FARP1: variants seen among roughly 807,000 people sequenced by gnomAD.
FARP1 encodes the protein FERM, ARHGEF and pleckstrin domain-containing protein 1.
Under a neutral mutation model 128.8 loss-of-function variants are expected in FARP1, and 52 were observed. That is an observed-to-expected ratio of 0.40 (90% CI 0.32 to 0.51). The LOEUF is 0.51. Among genes scored for constraint, FARP1 ranks in the 20% least tolerant of loss-of-function variants. The pLI, the probability that FARP1 is intolerant of heterozygous loss-of-function variation, is 0.45. For synonymous variants in FARP1, 580 were observed against 551.8 expected, an observed-to-expected ratio of 1.05 and a Z score of -0.72; for missense variants, 1,333 against 1,367.9, an observed-to-expected ratio of 0.97 and a Z score of 0.40.
At chr13:98,258,791 A>T (rs1348491102) in intron 2 of FARP1, among the ~76,000 whole-genome samples, 1 of 152,186 alleles carries the variant, frequency 6.6e-6, no homozygotes, top group Admixed American at 6.5e-5. Flanking sequence ...ATGAGATGAC[A>T]AATTCTAGAT....
At position 98,188,044 on chromosome 13, in the gene FARP1, G is replaced by A. The variant is rs76655670; in HGVS notation, c.-23-25176G>A. On this transcript the variant is annotated intron_variant, in intron 1 of 26. Transcript: ENST00000319562. ...AGAGCAAATGTTCTCAGAACTCTGCGGTCCCTTGGATTGGGTGCAGTTTGC... is the reference window on the plus strand; with the variant it reads ...AGAGCAAATGTTCTCAGAACTCTGCAGTCCCTTGGATTGGGTGCAGTTTGC... Among the ~76,000 whole-genome samples the A allele has an allele frequency of 5.8e-3, 887 of 152,246 alleles. 5 individuals carry two copies. Among genetic ancestry groups the A allele is most frequent in the African/African-American group, 0.016 (650 of 41,546 alleles).
chr13:98,423,863 G>A (rs528055154), intron 16 of FARP1, among the ~76,000 whole-genome samples: 28 of 152,156 alleles, frequency 1.8e-4, no homozygotes, highest in South Asian at 4.1e-4. Flanking sequence ...GCGTTGATCC[G>A]TTGAAAGGTG....
chr13:98,452,451 G>T lies in FARP1; in HGVS notation c.*4134G>T, dbSNP rs944100552. On this transcript the variant is annotated 3_prime_UTR_variant, in exon 27 of 27. Coordinates refer to ENST00000319562, the MANE Select transcript of FARP1 (RefSeq NM_005766.4). ...ATCAACCTCTAGGTGTACCAAAAGG[G>T]GCGTAGGGCAAACGGGGAAAATTTG... 2 of 152,558 alleles carry T rather than the reference G, an allele frequency of 1.3e-5. No homozygotes were observed. The highest frequency in any genetic ancestry group is 4.8e-5 in the African/African-American group (2 of 41,402). 9.5% of individuals were successfully genotyped at this position (152,558 alleles called of 1,614,324 possible). A position where few individuals can be genotyped will look rare whatever the true frequency, so the allele number is the denominator to read the frequency against.
chr13:98,174,505 A>G (rs1159873155), intron 1 of FARP1, among the ~76,000 whole-genome samples: 1 of 152,212 alleles, frequency 6.6e-6, no homozygotes, highest in Non-Finnish European at 1.5e-5. Context: ...GAAGGCTTGA[A>G]AGTGAATAAA....
chr13:98,258,462 G>A (rs750064382), intron 2 of FARP1, among the ~76,000 whole-genome samples: 3 of 152,144 alleles, frequency 2.0e-5, no homozygotes, highest in Non-Finnish European at 4.4e-5. Flanking sequence ...CGTGAGCATC[G>A]TGTTTGCTAA....
intron 2 of FARP1, among the ~76,000 whole-genome samples, chr13:98,298,646 A>G (rs1885800180): frequency 6.6e-6 from 1 of 152,066 alleles, no homozygotes; most frequent in African/African-American, 2.4e-5. Flanking sequence ...TTGGGCTTTC[A>G]TATCTTTTCA....
intron 1 of FARP1, among the ~76,000 whole-genome samples, chr13:98,159,200 C>T (rs1426977310): frequency 6.6e-6 from 1 of 152,300 alleles, no homozygotes; most frequent in African/African-American, 2.4e-5. Context: ...TATTATCATG[C>T]TAGGCACTGT....
intron 2 of FARP1, among the ~76,000 whole-genome samples, chr13:98,311,865 A>G (rs1422230986): frequency 6.8e-6 from 1 of 147,876 alleles, no homozygotes; most frequent in Non-Finnish European, 1.5e-5. Context: ...TTTTTTTGAG[A>G]CGGAGTCTCG....
chr13:98,200,391 C>A (rs570252008), intron 1 of FARP1, among the ~76,000 whole-genome samples: 6 of 137,388 alleles, frequency 4.4e-5, no homozygotes, highest in South Asian at 5.3e-4. Context: ...ACCTTCACCC[C>A]CCCCCCCTCC....
At chr13:98,186,515 T>C (rs747888640) in intron 1 of FARP1, among the ~76,000 whole-genome samples, 1 of 152,236 alleles carries the variant, frequency 6.6e-6, no homozygotes, top group African/African-American at 2.4e-5. Flanking sequence ...GTAAGGAGCA[T>C]CATACAGTAG....
At chr13:98,303,666 C>A (rs1344690873) in intron 2 of FARP1, among the ~76,000 whole-genome samples, 1 of 152,092 alleles carries the variant, frequency 6.6e-6, no homozygotes, top group Non-Finnish European at 1.5e-5. Context: ...GGCTTCATGG[C>A]TTGTGTATAT....
At chr13:98,296,500 C>T (rs1885696322) in intron 2 of FARP1, among the ~76,000 whole-genome samples, 1 of 102,202 alleles carries the variant, frequency 9.8e-6, no homozygotes, top group South Asian at 3.3e-4. Flanking sequence ...TTTCCATGAT[C>T]TGTGAAGACA....
At chr13:98,316,048 A>T (rs16955316) in intron 2 of FARP1, among the ~76,000 whole-genome samples, 2 of 152,110 alleles carry the variant, frequency 1.3e-5, no homozygotes, top group Non-Finnish European at 2.9e-5. Flanking sequence ...GGAATCTGTC[A>T]CATGAGACGG....
intron 2 of FARP1, among the ~76,000 whole-genome samples, chr13:98,262,994 C>CATTATTATT (rs532793122): frequency 6.6e-6 from 1 of 151,460 alleles, no homozygotes; most frequent in African/African-American, 2.4e-5. Context: ...TCATCTTAAA[C>CATTATTATT]ATTATTATTA....
intron 3 of FARP1, among the ~76,000 whole-genome samples, chr13:98,352,891 C>T (rs1888494430): frequency 6.6e-6 from 1 of 152,164 alleles, no homozygotes; most frequent in Non-Finnish European, 1.5e-5. Context: ...ATAGATTAAA[C>T]AATATAAACT....
At chr13:98,251,723 G>A (rs773521261) in intron 2 of FARP1, among the ~76,000 whole-genome samples, 4 of 151,628 alleles carry the variant, frequency 2.6e-5, no homozygotes, top group Non-Finnish European at 4.4e-5. Flanking sequence ...TTAGGGAAGA[G>A]GGAGGACAAA....
rs4001088 is a variant in FARP1 at position 98,305,104 on chromosome 13, G to GTA, written c.172-38644_172-38643dup. Among the ~76,000 whole-genome samples, 78 of 42,610 alleles carry GTA rather than the reference G, an allele frequency of 1.8e-3. 1 individual carries two copies. The highest frequency in any genetic ancestry group is 0.012 in the South Asian group (12 of 1,018). The allele number at this position is 42,610 out of a possible 152,430, so 28.0% of individuals were successfully genotyped here. The stretch of plus-strand genomic sequence containing the variant: ...GGGCTCAGTAAGAATATTTAAATGT[G>GTA]TATATATATATATATTTTTTAATTT... On this transcript the variant is annotated intron_variant, in intron 2 of 26. Transcript: ENST00000319562.
intron 2 of FARP1, among the ~76,000 whole-genome samples, chr13:98,265,905 T>TA (rs1304380482): frequency 1.3e-5 from 2 of 152,186 alleles, no homozygotes; most frequent in African/African-American, 4.8e-5. Context: ...TGTCAGATGG[T>TA]ACGCTGGGAC....
At chr13:98,430,293 G>T (rs1416514390) in intron 17 of FARP1, among the ~76,000 whole-genome samples, 3 of 152,200 alleles carry the variant, frequency 2.0e-5, no homozygotes, top group Non-Finnish European at 4.4e-5. Flanking sequence ...AGCACATAGA[G>T]AGCAAGCCCA....
Sources: allele counts gnomAD v4.1 joint callset (sites outside exome capture counted in the v4.1 genomes callset), GRCh38; gene constraint gnomAD v4.1.1; transcripts MANE v1.5; gene names NCBI Gene and HGNC (gene_info 2026-07-23, HGNC 2026-07-21).